MAP2K4: variants seen among roughly 807,000 people sequenced by gnomAD.
MAP2K4 encodes mitogen-activated protein kinase kinase 4.
MAP2K4 carries 4 observed loss-of-function variants against 48.5 expected under a neutral mutation model. The observed-to-expected ratio is 0.08, with a 90% confidence interval of 0.04 to 0.19. MAP2K4 has a LOEUF of 0.19. Ranked by LOEUF, MAP2K4 falls within the 10% of genes least tolerant of loss-of-function variation. The pLI, the probability that MAP2K4 is intolerant of heterozygous loss-of-function variation, is 1.00. For synonymous variants in MAP2K4, 166 were observed against 173.1 expected, an observed-to-expected ratio of 0.96 and a Z score of 0.32; for missense variants, 258 against 493.3, an observed-to-expected ratio of 0.52 and a Z score of 4.52.
chr17:12,064,453 G>A (rs1970551838), intron 2 of MAP2K4, among the ~76,000 whole-genome samples: 1 of 152,170 alleles, frequency 6.6e-6, no homozygotes, highest in South Asian at 2.1e-4. Context: ...TGGAATGGAT[G>A]ATAAGTATAT....
At chr17:12,132,291 A>G (rs1384637105) in intron 9 of MAP2K4, among the ~76,000 whole-genome samples, 2 of 152,234 alleles carry the variant, frequency 1.3e-5, no homozygotes, top group African/African-American at 4.8e-5. Context: ...ATATGTAAGA[A>G]TGTCCGGAAA....
At chr17:12,115,975 T>A (rs573679154) in intron 7 of MAP2K4, 1 of 406,570 alleles carries the variant, frequency 2.5e-6, no homozygotes, top group Non-Finnish European at 4.7e-6. Context: ...TCGTTCTTTT[T>A]AAGTCTGTTT....
intron 9 of MAP2K4, among the ~76,000 whole-genome samples, chr17:12,136,307 A>G (rs1189324392): frequency 2.6e-5 from 4 of 152,260 alleles, no homozygotes; most frequent in Non-Finnish European, 5.9e-5. Flanking sequence ...TTTAAAGAAA[A>G]AGAGGCAGCT....
chr17:12,069,513 C>G (rs1970719545), intron 2 of MAP2K4: 2 of 156,484 alleles, frequency 1.3e-5, no homozygotes, highest in African/African-American at 4.8e-5. Context: ...ATCAGTACTA[C>G]TTCAGAATAC....
In MAP2K4 at chr17:12,081,314, C is replaced by G; in HGVS notation, c.219-42C>G. ...AGTACTAAAAGAAAAAAGTTAAAAC[C>G]TATTTAAAATGTGGAAAAATTGCTT... On this transcript the variant is annotated intron_variant, in intron 2 of 10. Coordinates refer to ENST00000353533, the MANE Select transcript of MAP2K4 (RefSeq NM_003010.4). This position sits in a 1 kb window ranked among gnomAD's most constrained non-coding sequence, Gnocchi z 4.2. 1 of 1,517,024 alleles carries G rather than the reference C, an allele frequency of 6.6e-7. No individual in the cohort carries two copies. Among genetic ancestry groups the G allele is most frequent in the Non-Finnish European group, 8.9e-7 (1 of 1,117,516 alleles). The allele number at this position is 1,517,024 out of a possible 1,614,324, so 94.0% of individuals were successfully genotyped here.
chr17:12,030,631 A>T (rs2151509238), intron 1 of MAP2K4, among the ~76,000 whole-genome samples: 1 of 152,318 alleles, frequency 6.6e-6, no homozygotes, highest in Non-Finnish European at 1.5e-5. Context: ...TATATTATAC[A>T]CTTATTAAGC....
At chr17:12,112,518 C>G (rs1972340487) in intron 6 of MAP2K4, among the ~76,000 whole-genome samples, 2 of 149,272 alleles carry the variant, frequency 1.3e-5, no homozygotes, top group Admixed American at 1.3e-4. Context: ...GTTTGATAGG[C>G]CCACAGCTGT....
intron 3 of MAP2K4, among the ~76,000 whole-genome samples, chr17:12,093,577 G>T (rs1234272686): frequency 2.6e-5 from 4 of 152,092 alleles, no homozygotes; most frequent in African/African-American, 9.7e-5. Flanking sequence ...TGAAACAAAA[G>T]ATAAACTAGT....
chr17:12,029,925 A>G (rs1316808812), intron 1 of MAP2K4, among the ~76,000 whole-genome samples: 2 of 152,106 alleles, frequency 1.3e-5, no homozygotes, highest in Non-Finnish European at 1.5e-5. Flanking sequence ...CTAAAAAAAA[A>G]AAAGAAAAAA....
At chr17:12,122,199 A>G (rs1191294656) in intron 7 of MAP2K4, among the ~76,000 whole-genome samples, 1 of 152,242 alleles carries the variant, frequency 6.6e-6, no homozygotes, top group African/African-American at 2.4e-5. Context: ...TTTAAGTGCT[A>G]ACTTACTGAG....
chr17:12,038,853 G>A (rs1469805466), intron 1 of MAP2K4, among the ~76,000 whole-genome samples: 3 of 152,104 alleles, frequency 2.0e-5, no homozygotes, highest in Admixed American at 6.5e-5. Context: ...CAGTTTACAC[G>A]TTGTAAACCT....
At chr17:12,024,494 CTT>C (rs1969194599) in intron 1 of MAP2K4, among the ~76,000 whole-genome samples, 1 of 152,076 alleles carries the variant, frequency 6.6e-6, no homozygotes, top group Non-Finnish European at 1.5e-5. Context: ...CACACCCAAC[CTT>C]TATACGTTGA....
chr17:12,138,575 T>C (rs1023060871), intron 9 of MAP2K4, among the ~76,000 whole-genome samples: 8 of 151,954 alleles, frequency 5.3e-5, no homozygotes, highest in Non-Finnish European at 1.2e-4. Context: ...GAAAAATCCA[T>C]GTATAAGTGG....
At chr17:12,029,807 C>G (rs1218789414) in intron 1 of MAP2K4, among the ~76,000 whole-genome samples, 1 of 151,720 alleles carries the variant, frequency 6.6e-6, no homozygotes, top group African/African-American at 2.4e-5. Flanking sequence ...GACATAGTGG[C>G]TTGCACCTGC....
At chr17:12,135,223 GATTACA>G (rs1555553307) in intron 9 of MAP2K4, among the ~76,000 whole-genome samples, 1 of 152,126 alleles carries the variant, frequency 6.6e-6, no homozygotes, top group Non-Finnish European at 1.5e-5. Flanking sequence ...AGAGTAGCTG[GATTACA>G]GGCATGCACC....
At chr17:12,074,786 C>T (rs1201248463) in intron 2 of MAP2K4, among the ~76,000 whole-genome samples, 1 of 152,214 alleles carries the variant, frequency 6.6e-6, no homozygotes, top group Admixed American at 6.5e-5. Context: ...CCAGGATCTT[C>T]CTGGATCCCC....
intron 1 of MAP2K4, chr17:12,026,964 T>C (rs949198397): frequency 3.3e-5 from 5 of 152,176 alleles, no homozygotes; most frequent in Non-Finnish European, 7.3e-5. Flanking sequence ...CATTGCAGAT[T>C]TGAAAGGTAA....
At chr17:12,095,773 T>C (rs1259704020) in intron 4 of MAP2K4, 79 bp downstream of exon 4, 1 of 1,441,902 alleles carries the variant, frequency 6.9e-7, no homozygotes, top group East Asian at 2.3e-5. Context: ...GATTCTATTC[T>C]TAAATGCCAT....
At chr17:12,135,797 G>C (rs895937205) in intron 9 of MAP2K4, among the ~76,000 whole-genome samples, 4 of 152,176 alleles carry the variant, frequency 2.6e-5, no homozygotes, top group African/African-American at 9.6e-5. Flanking sequence ...TGATCCGCCT[G>C]CCTCAGCCTC....
Sources: gnomAD v4.1 joint callset for allele counts (sites outside exome capture counted in the v4.1 genomes callset) on GRCh38, gnomAD v4.1.1 for gene constraint, Gnocchi (gnomAD v3.1) non-coding constraint, MANE v1.5 for transcripts, NCBI Gene and HGNC (gene_info 2026-07-23, HGNC 2026-07-21) for gene names.